Variants in CRACD observed in about 807,000 individuals in gnomAD.
The protein encoded by CRACD is capping protein-inhibiting regulator of actin dynamics.
CRACD carries 56 observed loss-of-function variants against 106.8 expected under a neutral mutation model. The ratio of observed to expected loss-of-function variants is 0.52; its 90% CI spans 0.42 to 0.66. CRACD has a LOEUF of 0.66. CRACD is among the 30% of genes least tolerant of loss of function. CRACD has a pLI of 0.00. For synonymous variants in CRACD, 754 were observed against 670.8 expected (o/e 1.12, Z -1.92); for missense variants, 1,730 against 1,623.2 (o/e 1.07, Z -1.13).
At chr4:56,221,910 G>C (rs572179363) in intron 2 of CRACD, among the ~76,000 whole-genome samples, 1 of 152,310 alleles carries the variant, frequency 6.6e-6, no homozygotes, top group African/African-American at 2.4e-5. Context: ...CATAGATGTG[G>C]TGAATACAGA....
At chr4:56,202,773 TA>T (rs1470936404) in intron 2 of CRACD, among the ~76,000 whole-genome samples, 1 of 152,186 alleles carries the variant, frequency 6.6e-6, no homozygotes, top group African/African-American at 2.4e-5. Context: ...TTTTTTCTAA[TA>T]AAAGTATTTT....
intron 1 of CRACD, among the ~76,000 whole-genome samples, chr4:56,091,379 T>TCC (rs397938933): frequency 7.4e-6 from 1 of 135,342 alleles, no homozygotes; most frequent in East Asian, 2.1e-4. Context: ...TTTTTTTTTT[T>TCC]AAACGCAGGC....
intron 1 of CRACD, among the ~76,000 whole-genome samples, chr4:56,055,416 T>C (rs139349096): frequency 6.6e-6 from 1 of 150,530 alleles, no homozygotes; most frequent in African/African-American, 2.5e-5. Context: ...GGAGAGGCCA[T>C]AGTCCCAAGA....
rs149414855 is a variant in CRACD, at chr4:56,259,630, T to C, written c.-188-12691T>C. On this transcript the variant is annotated intron_variant, in intron 2 of 10. Transcript: ENST00000682029. The stretch of plus-strand genomic sequence containing the variant: ...TAGAAATAAGAGTGGCTCCCTTTAC[T>C]ATCACTCCAGTGATCCACTGTGAAA... Among the ~76,000 whole-genome samples, 47 of 152,328 alleles carry C rather than the reference T, an allele frequency of 3.1e-4. 1 individual carries two copies. The East Asian group carries it at 9.1e-3, about 29-fold the overall frequency.
chr4:56,088,328 T>C (rs1457038273), intron 1 of CRACD, among the ~76,000 whole-genome samples: 1 of 152,054 alleles, frequency 6.6e-6, no homozygotes. Context: ...CTGGTGTCTA[T>C]TGTTCCCAGC....
intron 4 of CRACD, among the ~76,000 whole-genome samples, chr4:56,304,323 T>C (rs1467045433): frequency 6.6e-6 from 1 of 151,748 alleles, no homozygotes; most frequent in Non-Finnish European, 1.5e-5. Context: ...TTTTTTTTTT[T>C]TTTTTTTCTT....
intron 1 of CRACD, among the ~76,000 whole-genome samples, chr4:56,133,774 A>G (rs1477256817): frequency 1.3e-5 from 2 of 152,264 alleles, no homozygotes; most frequent in Admixed American, 6.5e-5. Context: ...GTCAAAAGAT[A>G]CATATATACA....
chr4:56,049,980 G>A (rs976628443), intron 1 of CRACD: 2 of 151,728 alleles, frequency 1.3e-5, no homozygotes, highest in Non-Finnish European at 2.9e-5. Flanking sequence ...GCTCTGTAGT[G>A]GCGAGATTGG....
chr4:56,261,219 C>T (rs1741683092), intron 2 of CRACD, among the ~76,000 whole-genome samples: 1 of 152,126 alleles, frequency 6.6e-6, no homozygotes, highest in African/African-American at 2.4e-5. Context: ...TTCACGGCAC[C>T]CTCTGAAACT....
chr4:56,079,384 G>A (rs1732949443), intron 1 of CRACD, among the ~76,000 whole-genome samples: 1 of 151,254 alleles, frequency 6.6e-6, no homozygotes, highest in African/African-American at 2.4e-5. Flanking sequence ...TCCAGGGGAT[G>A]TTTATTTTAT....
chr4:56,239,341 C>G (rs1269025579), intron 2 of CRACD, among the ~76,000 whole-genome samples: 4 of 151,626 alleles, frequency 2.6e-5, no homozygotes, highest in African/African-American at 9.7e-5. Flanking sequence ...TAGAAACTTT[C>G]ATTTTATGAG....
chr4:56,073,596 C>T (rs13102087), intron 1 of CRACD, among the ~76,000 whole-genome samples: 52,338 of 151,906 alleles, frequency 0.34, 9,377 homozygotes, highest in African/African-American at 0.43. Flanking sequence ...GTAGATTCTG[C>T]GTATTAGCCT....
At chr4:56,165,734 G>GCTA (rs1303319538) in intron 1 of CRACD, among the ~76,000 whole-genome samples, 2 of 152,240 alleles carry the variant, frequency 1.3e-5, no homozygotes, top group East Asian at 3.9e-4. Flanking sequence ...AGAAAGAAAT[G>GCTA]CTACTCAACA....
chr4:56,123,252 C>A (rs914219529), intron 1 of CRACD, among the ~76,000 whole-genome samples: 2 of 152,162 alleles, frequency 1.3e-5, no homozygotes, highest in Admixed American at 1.3e-4. Context: ...GCTGCTATAA[C>A]AAAGTACCAT....
intron 1 of CRACD, among the ~76,000 whole-genome samples, chr4:56,140,300 G>GTCT (rs1344953796): frequency 8.5e-5 from 13 of 152,168 alleles, no homozygotes; most frequent in Non-Finnish European, 1.6e-4. Flanking sequence ...TTGTAGCAGA[G>GTCT]GCTGGAAATG....
At chr4:56,200,864 T>A (rs1737850511) in intron 2 of CRACD, among the ~76,000 whole-genome samples, 1 of 152,176 alleles carries the variant, frequency 6.6e-6, no homozygotes, top group Non-Finnish European at 1.5e-5. Flanking sequence ...AAATTCATCT[T>A]TTAAAGTTTT....
At position 56,154,571 on chromosome 4, in the gene CRACD, AG is replaced by A; in HGVS notation, c.-335-24712del. Among the ~76,000 whole-genome samples, 6 of 152,324 alleles carry A rather than the reference AG, an allele frequency of 3.9e-5. No individual in the cohort carries two copies. In the Middle Eastern group the frequency reaches 0.017, roughly 432 times the overall value. On this transcript the variant is annotated intron_variant, in intron 1 of 10. Transcript: ENST00000682029. The stretch of plus-strand genomic sequence containing the variant: ...GTGAGACAGGAAAACAGAATCTGTG[AG>A]AATCTATTAATAAACTATGAAGAAA...
At chr4:56,068,165 AG>A in intron 1 of CRACD, among the ~76,000 whole-genome samples, 1 of 152,166 alleles carries the variant, frequency 6.6e-6, no homozygotes, top group East Asian at 1.9e-4. Flanking sequence ...TAGGATGGTC[AG>A]GAACAGCGTC....
intron 1 of CRACD, among the ~76,000 whole-genome samples, chr4:56,152,013 C>CTT (rs562674319): frequency 0.017 from 2,301 of 137,802 alleles, 31 homozygotes; most frequent in Admixed American, 0.04. Flanking sequence ...ATAGTTTTTT[C>CTT]TTTTTTTTTT....
Sources: gnomAD v4.1 joint callset for allele counts (sites outside exome capture counted in the v4.1 genomes callset) on GRCh38, gnomAD v4.1.1 for gene constraint, MANE v1.5 for transcripts, NCBI Gene and HGNC (gene_info 2026-07-23, HGNC 2026-07-21) for gene names.